PRKAR1B: variants seen among roughly 807,000 people sequenced by gnomAD.
The protein encoded by PRKAR1B is protein kinase cAMP-dependent type I regulatory subunit beta.
Under a neutral mutation model 46.5 loss-of-function variants are expected in PRKAR1B, and 22 were observed. The observed-to-expected ratio is 0.47, with a 90% CI of 0.34 to 0.68. PRKAR1B has a LOEUF of 0.68. Ranked by LOEUF, PRKAR1B falls within the 30% of genes least tolerant of loss-of-function variation. The pLI, the probability that PRKAR1B is intolerant of heterozygous loss-of-function variation, is 0.01. For missense variants in PRKAR1B, 445 were observed against 535.6 expected, an observed-to-expected ratio of 0.83 and a Z score of 1.67; for synonymous variants, 259 against 217.7, an observed-to-expected ratio of 1.19 and a Z score of -1.67.
chr7:625,072 C>T (rs548023165), intron 4 of PRKAR1B, among the ~76,000 whole-genome samples: 2 of 152,040 alleles, frequency 1.3e-5, no homozygotes, highest in African/African-American at 2.4e-5. Flanking sequence ...GCTCTCACAC[C>T]GGAAGTGAAT....
intron 4 of PRKAR1B, among the ~76,000 whole-genome samples, chr7:636,096 CCGG>C: frequency 4.4e-5 from 1 of 22,778 alleles, no homozygotes; most frequent in Admixed American, 4.7e-4. Context: ...ACGTCCTCCA[CCGG>C]CCGCGCCCTC....
At chr7:583,441 G>GCACACACACC (rs1173283020) in intron 8 of PRKAR1B, among the ~76,000 whole-genome samples, 2,059 of 123,856 alleles carry the variant, frequency 0.017, 96 homozygotes, top group African/African-American at 0.061. Context: ...CACCCACAGT[G>GCACACACACC]CACACTCACA....
intron 3 of PRKAR1B, among the ~76,000 whole-genome samples, chr7:680,236 C>T (rs1382009048): frequency 6.6e-6 from 1 of 152,002 alleles, no homozygotes; most frequent in Admixed American, 6.6e-5. Flanking sequence ...GACAGAGCCT[C>T]TGCTCACTCC....
Position 680,729 on chromosome 7 carries a change from G to A in PRKAR1B, c.178-3C>T, listed in dbSNP as rs116198569. ...GCCAAAATCTGCCTGTTTTCTTCCT[G>A]TGTGGGAGAGGAAAACACAGAAAGG... On this transcript the variant is annotated splice_region_variant and splice_polypyrimidine_tract_variant and intron_variant, in intron 2 of 10. Coordinates refer to ENST00000537384, the MANE Select transcript of PRKAR1B (RefSeq NM_001164760.2). 1,912 of 1,613,870 alleles carry A rather than the reference G, an allele frequency of 1.2e-3. 20 individuals are homozygous for A. In the African/African-American group the frequency reaches 0.023, roughly 19 times the overall value.
intron 2 of PRKAR1B, among the ~76,000 whole-genome samples, chr7:699,423 G>A (rs999576585): frequency 6.6e-6 from 1 of 152,284 alleles, no homozygotes; most frequent in East Asian, 1.9e-4. Flanking sequence ...GAACAGCCGG[G>A]GTAGGAAGGG....
Position 646,142 on chromosome 7 carries a change from C to T in PRKAR1B, c.440+31087G>A, listed in dbSNP as rs371314433. On this transcript the variant is annotated intron_variant, in intron 4 of 10. Transcript: ENST00000537384. ...CTCACTGAAACCTCAACCTCCTGGG[C>T]TCAAGCAATCCTCCTACCTCGGCCT... Among the ~76,000 whole-genome samples, 4 of 152,214 alleles carry T rather than the reference C, an allele frequency of 2.6e-5. 1 individual carries two copies. Among genetic ancestry groups the T allele is most frequent in the Non-Finnish European group, 1.5e-5 (1 of 67,998 alleles).
chr7:672,843 G>A (rs978489322), intron 4 of PRKAR1B, among the ~76,000 whole-genome samples: 11 of 151,722 alleles, frequency 7.3e-5, no homozygotes, highest in African/African-American at 2.2e-4. Flanking sequence ...CTCCCGCCTG[G>A]GCAAGAAGAG....
chr7:580,246 AG>A (rs1212340552), intron 8 of PRKAR1B, among the ~76,000 whole-genome samples: 4 of 148,860 alleles, frequency 2.7e-5, no homozygotes, highest in African/African-American at 9.8e-5. Flanking sequence ...AAAAAAAAAA[AG>A]AAAAAAGAAA....
rs550093593 is a variant in PRKAR1B, at chr7:667,230, GTGA to G, written c.440+9996_440+9998del. Among the ~76,000 whole-genome samples the G allele has an allele frequency of 2.0e-4, 30 of 152,244 alleles. No homozygotes were observed. The South Asian group carries it at 6.2e-3, about 32-fold the overall frequency. ...GATGGTAATGGTGATGACTATGATGGTGATGATAATGATGGTGGTGATAACAGT... is the reference window on the plus strand; with the variant it reads ...GATGGTAATGGTGATGACTATGATGGTGATAATGATGGTGGTGATAACAGT... On this transcript the variant is annotated intron_variant, in intron 4 of 10. Transcript: ENST00000537384. This position sits in a 1 kb window ranked among gnomAD's most constrained non-coding sequence, Gnocchi z 4.3.
At chr7:587,053 T>C (rs972049472) in intron 7 of PRKAR1B, among the ~76,000 whole-genome samples, 5 of 151,914 alleles carry the variant, frequency 3.3e-5, no homozygotes, top group Admixed American at 1.3e-4. Flanking sequence ...CCAGCTAATG[T>C]TTTTTGTATT....
At chr7:659,250 G>T (rs1429272844) in intron 4 of PRKAR1B, among the ~76,000 whole-genome samples, 1 of 152,108 alleles carries the variant, frequency 6.6e-6, no homozygotes, top group Non-Finnish European at 1.5e-5. Flanking sequence ...TTAGAAAAAA[G>T]CTCAGTAAAG....
intron 1 of PRKAR1B, among the ~76,000 whole-genome samples, chr7:711,759 G>T (rs4074133): frequency 2.0e-5 from 3 of 152,076 alleles, no homozygotes; most frequent in Non-Finnish European, 4.4e-5. Flanking sequence ...GCTCAGGCAG[G>T]GGGGGAGGGG....
At chr7:665,869 AC>A (rs1785887212) in intron 4 of PRKAR1B, among the ~76,000 whole-genome samples, 1 of 152,204 alleles carries the variant, frequency 6.6e-6, no homozygotes, top group South Asian at 2.1e-4. Context: ...CTGCAGAGAT[AC>A]GCGGGTGGGA....
chr7:720,050 C>CTTTTTTTT (rs34254216), intron 1 of PRKAR1B, among the ~76,000 whole-genome samples: 1 of 93,138 alleles, frequency 1.1e-5, no homozygotes, highest in Admixed American at 1.3e-4. Flanking sequence ...CTGTGCAAGT[C>CTTTTTTTT]TTTTTTTTTT....
chr7:697,962 GAAGGA>G (rs1406688518), intron 2 of PRKAR1B, among the ~76,000 whole-genome samples: 2,259 of 79,096 alleles, frequency 0.029, 68 homozygotes, highest in Non-Finnish European at 0.044. Context: ...GAAGGGAAGG[GAAGGA>G]AGGGAAGGGA....
intron 9 of PRKAR1B, among the ~76,000 whole-genome samples, chr7:577,124 G>A (rs948675975): frequency 7.3e-5 from 11 of 151,706 alleles, no homozygotes; most frequent in Admixed American, 1.3e-4. Context: ...CGCCATCAGC[G>A]GCCCCGTCCA....
intron 4 of PRKAR1B, among the ~76,000 whole-genome samples, chr7:650,193 G>C (rs1784830005): frequency 6.6e-6 from 1 of 152,134 alleles, no homozygotes; most frequent in African/African-American, 2.4e-5. Context: ...CAGGACCCAG[G>C]TGTGTGAGTG....
intron 2 of PRKAR1B, among the ~76,000 whole-genome samples, chr7:684,124 G>C (rs966768994): frequency 1.5e-5 from 2 of 134,962 alleles, no homozygotes; most frequent in Non-Finnish European, 3.1e-5. Context: ...CCACCTCTAC[G>C]TGTGTGCTGA....
chr7:675,882 G>GT (rs1264279496), intron 4 of PRKAR1B, among the ~76,000 whole-genome samples: 2 of 152,166 alleles, frequency 1.3e-5, no homozygotes, highest in Non-Finnish European at 2.9e-5. Flanking sequence ...GGTGGCGGAG[G>GT]TTGAAGTGAG....
Sources: allele counts gnomAD v4.1 joint callset (sites outside exome capture counted in the v4.1 genomes callset), GRCh38; gene constraint gnomAD v4.1.1; non-coding constraint Gnocchi (gnomAD v3.1); transcripts MANE v1.5; gene names NCBI Gene and HGNC (gene_info 2026-07-23, HGNC 2026-07-21).